PPP1R16A: variants seen among roughly 807,000 people sequenced by gnomAD.
PPP1R16A encodes protein phosphatase 1 regulatory subunit 16A.
PPP1R16A carries 39 observed loss-of-function variants against 46.6 expected under a neutral mutation model. The ratio of observed to expected loss-of-function variants is 0.84; its 90% confidence interval spans 0.65 to 1.09. PPP1R16A has a LOEUF of 1.09. Among genes scored for constraint, PPP1R16A ranks in the 50% least tolerant of loss-of-function variants. PPP1R16A has a pLI of 0.00. For missense variants in PPP1R16A, 798 were observed against 735.6 expected, an observed-to-expected ratio of 1.08 and a Z score of -0.98; for synonymous variants, 413 against 321.5, an observed-to-expected ratio of 1.28 and a Z score of -3.04.
chr8:144,499,315 C>CA, intron 5 of PPP1R16A: 1 of 542,740 alleles, frequency 1.8e-6, no homozygotes, highest in Non-Finnish European at 3.2e-6. Flanking sequence ...GGCCCCCCCC[C>CA]AGAGTGTGCA....
Position 144,501,732 on chromosome 8 carries a change from A to T in PPP1R16A, c.1416A>T (p.Pro472=). ...QRAAAKLQRP[P]PEGPESPETA... ...CTGCTGCCAAGCTGCAGCGACCCCC[A>T]CCTGAGGGGCCCGAGAGCCCTGAGA... The change falls in exon 12 of 12, where the codon CCA becomes CCT. Residue 472 remains proline (P), a synonymous_variant. Coordinates refer to ENST00000435887, the MANE Select transcript of PPP1R16A (RefSeq NM_001329443.2). The T allele has an allele frequency of 6.3e-7, 1 of 1,582,638 alleles. No homozygotes were observed. Among genetic ancestry groups the T allele is most frequent in the Non-Finnish European group, 8.6e-7 (1 of 1,165,712 alleles).
At position 144,493,747 on chromosome 8, in the gene PPP1R16A, C is replaced by T. The variant is rs1464209180; in HGVS notation, c.-734-2714C>T. Among the ~76,000 whole-genome samples, 3 of 152,158 alleles carry T rather than the reference C, an allele frequency of 2.0e-5. No homozygotes were observed. Among genetic ancestry groups the T allele is most frequent in the Admixed American group, 6.5e-5 (1 of 15,276 alleles). On this transcript the variant is annotated intron_variant, in intron 2 of 11. Coordinates refer to ENST00000435887, the MANE Select transcript of PPP1R16A (RefSeq NM_001329443.2). The surrounding 1 kb of genome is among the most constrained non-coding windows in gnomAD (Gnocchi z 4.3). ...GGCCCTGGGCTCACTTTGGGTACCT[C>T]GTTTTCTCTTAGAGGAGGCAGTTGG...
rs765057110 is a variant in PPP1R16A at position 144,501,231 on chromosome 8, G to A, written c.1140G>A (p.Pro380=). The A allele has an allele frequency of 1.9e-6, 3 of 1,606,508 alleles. No homozygotes were observed. The highest frequency in any genetic ancestry group is 1.3e-5 in the African/African-American group (1 of 74,990). Residue 380 remains proline, a synonymous_variant, in exon 11 of 12, where the codon CCG becomes CCA. Coordinates refer to ENST00000435887, the MANE Select transcript of PPP1R16A (RefSeq NM_001329443.2). ...GGCAACAGCCGCCGCCCACCAGCCC[G>A]GAGCCGCCCGAGGACAACGATGACC... ...IVWQQPPPTS[P]EPPEDNDDRQ... is the part of the protein sequence containing the mutation.
rs192703843 is a variant in PPP1R16A at position 144,481,608 on chromosome 8, C to G, written c.-914+3481C>G. ...GCGGTGAGCCGAGATCGCACCATTG[C>G]ACTCTAGCCTGGGCAAAAAGAGCGA... On this transcript the variant is annotated intron_variant, in intron 1 of 11. Coordinates refer to ENST00000435887, the MANE Select transcript of PPP1R16A (RefSeq NM_001329443.2). Among the ~76,000 whole-genome samples, 579 of 152,120 alleles carry G rather than the reference C, an allele frequency of 3.8e-3. 7 individuals carry two copies. The highest frequency in any genetic ancestry group is 5.6e-3 in the South Asian group (27 of 4,812).
In PPP1R16A at chr8:144,498,708, G is replaced by C. The variant is rs769768942; in HGVS notation, c.260-62G>C. On this transcript the variant is annotated intron_variant, in intron 3 of 11. Coordinates refer to ENST00000435887, the MANE Select transcript of PPP1R16A (RefSeq NM_001329443.2). The stretch of plus-strand genomic sequence containing the variant: ...GTCCTTCCCTGGGTCCTGGGCCGAA[G>C]CACAGTTGACAGGACCTGACCAGGG... The C allele has an allele frequency of 2.0e-6, 3 of 1,493,240 alleles. No homozygotes were observed. The East Asian group carries it at 6.9e-5, about 34-fold the overall frequency. The allele number at this position is 1,493,240 out of a possible 1,614,324, so 92.5% of individuals were successfully genotyped here.
Position 144,490,047 on chromosome 8 carries a change from G to T in PPP1R16A, c.-900G>T, listed in dbSNP as rs1249466227. The stretch of plus-strand genomic sequence containing the variant: ...CCCCTTTTCCAGGTACTGGCACACG[G>T]ATGAGGAGTCGTAGAAGAGGGGCCT... On this transcript the variant is annotated 5_prime_UTR_variant, in exon 2 of 12. Transcript: ENST00000435887. The T allele has an allele frequency of 6.6e-6, 1 of 152,436 alleles. No homozygotes were observed. Among genetic ancestry groups the T allele is most frequent in the Non-Finnish European group, 1.5e-5 (1 of 68,102 alleles). The allele number at this position is 152,436 out of a possible 1,614,324, so 9.4% of individuals were successfully genotyped here. A position where few individuals can be genotyped will look rare whatever the true frequency, so the allele number is the denominator to read the frequency against.
intron 1 of PPP1R16A, among the ~76,000 whole-genome samples, chr8:144,481,112 G>C (rs1473076010): frequency 6.6e-6 from 1 of 150,398 alleles, no homozygotes. Flanking sequence ...GGATGGTCTC[G>C]ATCTCCTGAC....
chr8:144,488,503 C>T (rs1825693007), intron 1 of PPP1R16A, among the ~76,000 whole-genome samples: 1 of 151,902 alleles, frequency 6.6e-6, no homozygotes, highest in Non-Finnish European at 1.5e-5. Flanking sequence ...AGGCGATGGG[C>T]AGAGAGTGGG....
In PPP1R16A at chr8:144,501,650, A is replaced by C. The variant is rs1826491724; in HGVS notation, c.1334A>C (p.His445Pro). The C allele has an allele frequency of 1.2e-6, 2 of 1,610,718 alleles. No homozygotes were observed. The highest frequency in any genetic ancestry group is 1.7e-6 in the Non-Finnish European group (2 of 1,179,016). ...QLSPLDSTTP[H>P]TLVHDKAHHT... ...AGCCCCCTGGACAGCACCACCCCCC[A>C]CACCCTGGTCCACGACAAGGCCCAC... Residue 445 changes from histidine to proline, a missense_variant, in exon 12 of 12, where the codon CAC becomes CCC. Physicochemically the swap from His to Pro is moderately conservative, Grantham distance 77. Transcript: ENST00000435887.
rs1029522539 is a variant in PPP1R16A, at chr8:144,497,358, G to A, written c.164G>A (p.Arg55Gln). The A allele has an allele frequency of 1.1e-5, 17 of 1,612,832 alleles. No individual in the cohort carries two copies. The African/African-American group carries it at 1.5e-4, about 14-fold the overall frequency. ...QGKKGPGERP[R>Q]KEAASQGLLK... ...AAGAAGGGTCCTGGGGAGCGTCCCC[G>A]GAAGGAGGCAGCCAGCCAAGGGCTC... The change falls in exon 3 of 12, where the codon CGG becomes CAG. Residue 55 changes from arginine (R) to glutamine (Q), a missense_variant. Physicochemically the swap from Arg to Gln is conservative, Grantham distance 43 (BLOSUM62 1). Coordinates refer to ENST00000435887, the MANE Select transcript of PPP1R16A (RefSeq NM_001329443.2).
At chr8:144,487,712 G>A (rs1825669649) in intron 1 of PPP1R16A, among the ~76,000 whole-genome samples, 1 of 152,158 alleles carries the variant, frequency 6.6e-6, no homozygotes, top group Admixed American at 6.5e-5. Flanking sequence ...ATTTCTCTAT[G>A]CCTAAGCCAG....
At position 144,497,392 on chromosome 8, in the gene PPP1R16A, G is replaced by A. The variant is rs1424976771; in HGVS notation, c.198G>A (p.Gln66=). ...KEAASQGLLK[Q]VLFPPSVVLL... ...CAGCCAGCCAAGGGCTCCTGAAGCA[G>A]GTCCTCTTCCCTCCCAGTGTTGTCC... The change falls in exon 3 of 12, where the codon CAG becomes CAA. Residue 66 remains glutamine, a synonymous_variant. Coordinates refer to ENST00000435887, the MANE Select transcript of PPP1R16A (RefSeq NM_001329443.2). 3.7e-6 allele frequency: 6 copies of A among 1,612,950 alleles called. No homozygotes were observed. Among genetic ancestry groups the A allele is most frequent in the Non-Finnish European group, 4.2e-6 (5 of 1,180,024 alleles).
At position 144,499,056 on chromosome 8, in the gene PPP1R16A, C is replaced by T. The variant is rs756289472; in HGVS notation, c.471C>T (p.Ile157=). 5 of 1,578,184 alleles carry T rather than the reference C, an allele frequency of 3.2e-6. No individual in the cohort carries two copies. Among genetic ancestry groups the T allele is most frequent in the South Asian group, 2.2e-5 (2 of 89,846 alleles). ...CGHLHLVELL[I]ASGANLLAVN... ...ACCTGCACCTGGTGGAGCTGCTCAT[C>T]GCCAGGTAGGGCCTGTTGGGCGTCC... The change falls in exon 5 of 12, where the codon ATC becomes ATT. Residue 157 remains isoleucine, a synonymous_variant. Coordinates refer to ENST00000435887, the MANE Select transcript of PPP1R16A (RefSeq NM_001329443.2).
At chr8:144,482,022 C>T (rs925528744) in intron 1 of PPP1R16A, among the ~76,000 whole-genome samples, 6 of 152,278 alleles carry the variant, frequency 3.9e-5, no homozygotes, top group East Asian at 3.9e-4. Flanking sequence ...CGTATCCGCC[C>T]GCCTTGGCCT....
chr8:144,499,930 G>A (rs1411876495), intron 5 of PPP1R16A, 166 bp from the exon 6 acceptor site: 3 of 652,482 alleles, frequency 4.6e-6, no homozygotes, highest in Admixed American at 2.7e-5. Context: ...ACAGGATCTA[G>A]GACAGCCGAT....
chr8:144,485,212 C>CAAAAAAAAAAAAAA lies in PPP1R16A; in HGVS notation c.-913-4807_-913-4794dup. On this transcript the variant is annotated intron_variant, in intron 1 of 11. Transcript: ENST00000435887. ...GAACCAGTAAAAAAGAATAGAATCT[C>CAAAAAAAAAAAAAA]AAAAAAAAAAAAAAAAAAAAAAAAA... 3.2e-5 allele frequency among the ~76,000 whole-genome samples: 2 copies of CAAAAAAAAAAAAAA among 61,546 alleles called. 1 individual carries two copies. The highest frequency in any genetic ancestry group is 5.2e-5 in the Non-Finnish European group (2 of 38,490). 40.4% of individuals were successfully genotyped at this position (61,546 alleles called of 152,430 possible).
intron 1 of PPP1R16A, among the ~76,000 whole-genome samples, chr8:144,480,201 C>T (rs574107212): frequency 2.0e-5 from 3 of 152,294 alleles, no homozygotes; most frequent in African/African-American, 2.4e-5. Flanking sequence ...ATGAAGGTGG[C>T]GGTGATGATG....
chr8:144,497,239 C>A lies in PPP1R16A; in HGVS notation c.45C>A (p.Gly15=), dbSNP rs61749074. The A allele has an allele frequency of 1.1e-4, 184 of 1,603,736 alleles. No homozygotes were observed. In the African/African-American group the frequency reaches 2.2e-3, roughly 20 times the overall value. Reference sequence around the variant, plus strand: ...TGCTGGCAGAGATGCCCATGGTGGGCAGGATGAGCACACAGGAGCGGCTGA... The same window carrying A: ...TGCTGGCAGAGATGCCCATGGTGGGAAGGATGAGCACACAGGAGCGGCTGA... ...LELLAEMPMV[G]RMSTQERLKH... is the part of the protein sequence containing the mutation. Residue 15 remains glycine, a synonymous_variant, in exon 3 of 12, where the codon GGC becomes GGA. Coordinates refer to ENST00000435887, the MANE Select transcript of PPP1R16A (RefSeq NM_001329443.2).
intron 1 of PPP1R16A, among the ~76,000 whole-genome samples, chr8:144,481,212 C>T (rs979267467): frequency 5.9e-5 from 9 of 151,982 alleles, no homozygotes; most frequent in African/African-American, 2.2e-4. Context: ...TTGTGAACAA[C>T]GTCATAATCC....
Sources: allele counts gnomAD v4.1 joint callset (sites outside exome capture counted in the v4.1 genomes callset), GRCh38; gene constraint gnomAD v4.1.1; non-coding constraint Gnocchi (gnomAD v3.1); transcripts MANE v1.5; gene names NCBI Gene and HGNC (gene_info 2026-07-23, HGNC 2026-07-21).